Variants in DVL1 observed in about 807,000 individuals in gnomAD.
DVL1 encodes segment polarity protein dishevelled homolog DVL-1.
A neutral mutation model predicts 65.0 loss-of-function variants in DVL1; 49 were observed. The observed-to-expected ratio is 0.75, with a 90% confidence interval of 0.60 to 0.96. DVL1 has a LOEUF of 0.96. DVL1 is among the 40% of genes least tolerant of loss of function. The probability of loss-of-function intolerance (pLI) is 0.00; values close to 1 mark genes in which losing one functional copy is unlikely to be tolerated. For synonymous variants in DVL1, 608 were observed against 433.9 expected, an observed-to-expected ratio of 1.40 and a Z score of -4.99; for missense variants, 1,197 against 1,045.4, an observed-to-expected ratio of 1.15 and a Z score of -2.00.
In DVL1 at chr1:1,340,096, A is replaced by G. The variant is rs748235611; in HGVS notation, c.851T>C (p.Met284Thr). 1.2e-6 allele frequency: 2 copies of G among 1,612,756 alleles called. No homozygotes were observed. Among genetic ancestry groups the G allele is most frequent in the Admixed American group, 1.7e-5 (1 of 59,982 alleles). The change falls in exon 8 of 15, where the codon ATG becomes ACG. Residue 284 changes from methionine to threonine, a missense_variant. Physicochemically the swap from Met to Thr is moderately conservative, Grantham distance 81. Transcript: ENST00000378888. ...GDGGIYIGSI[M>T]KGGAVAADGR... ...GTCAGCGGCCACAGCCCCGCCCTTC[A>G]TGATGGAGCCAATGTAGATGCCGCC... is the stretch of plus-strand genomic sequence containing the variant.
At chr1:1,340,580 G>A (rs1462243747) in intron 5 of DVL1, 77 bp from the exon 6 acceptor site, 2 of 1,463,976 alleles carry the variant, frequency 1.4e-6, no homozygotes, top group Non-Finnish European at 1.9e-6. Context: ...CCAATACTGA[G>A]TGGGAATCGG....
chr1:1,338,350 T>G lies in DVL1; in HGVS notation c.1426A>C (p.Lys476Gln). The G allele has an allele frequency of 1.2e-6, 2 of 1,612,668 alleles. No homozygotes were observed. Among genetic ancestry groups the G allele is most frequent in the Non-Finnish European group, 1.7e-6 (2 of 1,179,850 alleles). The change falls in exon 13 of 15, where the codon AAG becomes CAG. Residue 476 changes from lysine (K) to glutamine (Q), a missense_variant. By Grantham distance (53) the Lys-to-Gln change is moderately conservative (BLOSUM62 1). Coordinates refer to ENST00000378888, the MANE Select transcript of DVL1 (RefSeq NM_001330311.2). ...ACCGTGTGCCGCAGGAAGCCGTGCT[T>G]CAGCAAGCTGCTGGCGTACTTCCGG... ...EARKYASSLL[K>Q]HGFLRHTVNK...
chr1:1,344,231 C>T (rs1316695871), intron 1 of DVL1, among the ~76,000 whole-genome samples: 1 of 152,218 alleles, frequency 6.6e-6, no homozygotes, highest in Admixed American at 6.5e-5. Flanking sequence ...GACTTGGGCC[C>T]AGTGGAGAAA....
chr1:1,337,019 G>A, intron 14 of DVL1: 22 of 989,738 alleles, frequency 2.2e-5, no homozygotes, highest in South Asian at 4.7e-5. Flanking sequence ...CTGGCTTACC[G>A]GCCCAAGGTC....
chr1:1,349,030 C>G lies in DVL1; in HGVS notation c.36G>C (p.Glu12Asp). 2 of 1,561,986 alleles carry G rather than the reference C, an allele frequency of 1.3e-6. No homozygotes were observed. The highest frequency in any genetic ancestry group is 2.5e-5 in the East Asian group (1 of 39,506). Residue 12 changes from glutamate (E) to aspartate (D), a missense_variant, in exon 1 of 15, where the codon GAG (glutamate) becomes GAC (aspartate). Physicochemically the swap from Glu to Asp is conservative, Grantham distance 45 (BLOSUM62 2). Coordinates refer to ENST00000378888, the MANE Select transcript of DVL1 (RefSeq NM_001330311.2). The surrounding 1 kb of genome is among the most constrained non-coding windows in gnomAD (Gnocchi z 4.1). ...GCTTGACCAGGTACGGCGTCTCCTC[C>G]TCGTCCATGTGGTAGATAATCTTGG... Reference protein sequence around the residue: ...AETKIIYHMDEEETPYLVKLP... With the variant: ...AETKIIYHMDDEETPYLVKLP...
chr1:1,339,161 G>C (rs307367), intron 11 of DVL1, 126 bp downstream of exon 11: 1 of 1,309,778 alleles, frequency 7.6e-7, no homozygotes, highest in Non-Finnish European at 1.1e-6. Flanking sequence ...TGTGCAGGGA[G>C]TTGGGGACAG....
chr1:1,345,885 T>C lies in DVL1; in HGVS notation c.170+3011A>G, dbSNP rs539037444. Among the ~76,000 whole-genome samples, 228 of 152,150 alleles carry C rather than the reference T, an allele frequency of 1.5e-3. 2 individuals carry two copies. The highest frequency in any genetic ancestry group is 5.0e-3 in the African/African-American group (208 of 41,526). The stretch of plus-strand genomic sequence containing the variant: ...CAGGGCCCTCAGCCTTGGGGGTCTG[T>C]GGCCTCCCAACCCCTGACCCCAGAG... On this transcript the variant is annotated intron_variant, in intron 1 of 14. Transcript: ENST00000378888.
At chr1:1,340,731 A>G (rs1010598504) in intron 5 of DVL1, among the ~76,000 whole-genome samples, 4 of 151,816 alleles carry the variant, frequency 2.6e-5, no homozygotes. Flanking sequence ...AGCCAGATCC[A>G]CTACTGACAC....
rs781556898 is a variant in DVL1, at chr1:1,340,440, C to T, written c.669G>A (p.Arg223=). ...CCGCCTGCCGAAGGCGCTGCTTCCT[C>T]CGCCGGCGTTTGTGCTTCCGGATGA... The part of the protein sequence containing the change: ...SRLIRKHKRR[R]RKQRLRQADR... The change falls in exon 6 of 15, where the codon CGG becomes CGA. Residue 223 remains arginine, a synonymous_variant. Transcript: ENST00000378888. 1 of 1,612,370 alleles carries T rather than the reference C, an allele frequency of 6.2e-7. No homozygotes were observed. The highest frequency in any genetic ancestry group is 1.7e-5 in the Admixed American group (1 of 59,700).
chr1:1,338,357 G>T lies in DVL1; in HGVS notation c.1419C>A (p.Ser473Arg). ...ERREARKYAS[S>R]LLKHGFLRHT... ...GCCGCAGGAAGCCGTGCTTCAGCAA[G>T]CTGCTGGCGTACTTCCGGGCCTCCC... Residue 473 changes from serine to arginine, a missense_variant, in exon 13 of 15, where the codon AGC (serine) becomes AGA (arginine). Transcript: ENST00000378888. 6.2e-7 allele frequency: 1 copy of T among 1,612,504 alleles called. No individual in the cohort carries two copies. The highest frequency in any genetic ancestry group is 2.2e-5 in the East Asian group (1 of 44,856).
chr1:1,349,021 CG>C lies in DVL1; in HGVS notation c.44del (p.Thr15SerfsTer45). 6.4e-7 allele frequency: 1 copy of C among 1,567,494 alleles called. No homozygotes were observed. The highest frequency in any genetic ancestry group is 8.7e-7 in the Non-Finnish European group (1 of 1,154,112). On this transcript the variant is annotated frameshift_variant, in exon 1 of 15. Coordinates refer to ENST00000378888, the MANE Select transcript of DVL1 (RefSeq NM_001330311.2). LOFTEE classifies it high-confidence loss of function. The surrounding 1 kb of genome is among the most constrained non-coding windows in gnomAD (Gnocchi z 4.1). ...KIIYHMDEEE[T>X]PYLVKLPVAP... The stretch of plus-strand genomic sequence containing the variant: ...CCACGGGCAGCTTGACCAGGTACGG[CG>C]TCTCCTCCTCGTCCATGTGGTAGAT...
intron 1 of DVL1, among the ~76,000 whole-genome samples, chr1:1,343,170 C>T (rs1218647106): frequency 6.6e-6 from 1 of 152,130 alleles, no homozygotes; most frequent in Admixed American, 6.5e-5. Flanking sequence ...GGAAAGCCCC[C>T]GTGCCCAGCT....
At chr1:1,336,956 G>A in intron 14 of DVL1, 2 of 976,250 alleles carry the variant, frequency 2.0e-6, no homozygotes, top group Non-Finnish European at 2.4e-6. Flanking sequence ...GACGCAGTGG[G>A]AGCTGGAGGG....
Position 1,342,476 on chromosome 1 carries a change from C to G in DVL1, c.249G>C (p.Leu83=), listed in dbSNP as rs372799733. 74 of 1,610,276 alleles carry G rather than the reference C, an allele frequency of 4.6e-5. No individual in the cohort carries two copies. Among genetic ancestry groups the G allele is most frequent in the Non-Finnish European group, 5.9e-5 (69 of 1,179,414 alleles). ...FNGRVVSWLV[L]AEGAHSDAGS... Reference sequence around the variant, plus strand: ...CCGCATCCGAGTGAGCACCCTCAGCCAGGACCAGCTGTGGAGGGAGCAGGC... The same window carrying G: ...CCGCATCCGAGTGAGCACCCTCAGCGAGGACCAGCTGTGGAGGGAGCAGGC... Residue 83 remains leucine (L), a synonymous_variant, in exon 3 of 15, where the codon CTG becomes CTC. Transcript: ENST00000378888.
Position 1,338,064 on chromosome 1 carries a change from G to A in DVL1, c.1627C>T (p.Pro543Ser). 2 of 1,611,124 alleles carry A rather than the reference G, an allele frequency of 1.2e-6. No individual in the cohort carries two copies. The highest frequency in any genetic ancestry group is 1.7e-6 in the Non-Finnish European group (2 of 1,179,266). Residue 543 changes from proline to serine, a missense_variant, in exon 14 of 15, where the codon CCG becomes TCG. Physicochemically the swap from Pro to Ser is moderately conservative, Grantham distance 74. Coordinates refer to ENST00000378888, the MANE Select transcript of DVL1 (RefSeq NM_001330311.2). ...GGCGGGAAGCAGGGTGGGGGTCCCG[G>A]GTACTGGTAGGGGTAGCCCTGACCC... ...PLGQGYPYQY[P>S]GPPPCFPPAY...
intron 13 of DVL1, 27 bp from the exon 14 acceptor site, chr1:1,338,210 G>A (rs753323723): frequency 1.2e-5 from 19 of 1,594,656 alleles, no homozygotes; most frequent in East Asian, 9.0e-5. Context: ...GGTGAGGGCC[G>A]CGGAGGGGCC....
chr1:1,344,180 C>T (rs1022417735), intron 1 of DVL1, among the ~76,000 whole-genome samples: 6 of 152,156 alleles, frequency 3.9e-5, no homozygotes, highest in Non-Finnish European at 7.4e-5. Flanking sequence ...GACGCCGCCT[C>T]GTGGCACCCT....
rs570735296 is a variant in DVL1 at position 1,340,320 on chromosome 1, T to G, written c.700-4A>C. ...TTATGCTGCTGAAGGAGGAGGCCTA[T>G]GGAGGAGAGGGGGCGTGTGTAAAAG... On this transcript the variant is annotated splice_region_variant and splice_polypyrimidine_tract_variant and intron_variant, in intron 6 of 14. Coordinates refer to ENST00000378888, the MANE Select transcript of DVL1 (RefSeq NM_001330311.2). 1.2e-6 allele frequency: 2 copies of G among 1,613,914 alleles called. No homozygotes were observed. Among genetic ancestry groups the G allele is most frequent in the Admixed American group, 1.7e-5 (1 of 60,020 alleles).
At chr1:1,342,319 G>A (rs1439753223) in intron 3 of DVL1, 44 bp downstream of exon 3, 20 of 1,527,428 alleles carry the variant, frequency 1.3e-5, no homozygotes, top group Non-Finnish European at 1.6e-5. Context: ...CAACCCCCAT[G>A]ACAGGCTTGG....
Sources: gnomAD v4.1 joint callset for allele counts (sites outside exome capture counted in the v4.1 genomes callset) on GRCh38, gnomAD v4.1.1 for gene constraint, Gnocchi (gnomAD v3.1) non-coding constraint, MANE v1.5 for transcripts, NCBI Gene and HGNC (gene_info 2026-07-23, HGNC 2026-07-21) for gene names.